Variants in NEGR1 observed in about 807,000 individuals in gnomAD.
The protein encoded by NEGR1 is IgLON family member 4.
NEGR1 carries 10 observed loss-of-function variants against 40.9 expected under a neutral mutation model. That is an observed-to-expected ratio of 0.24 (90% confidence interval 0.15 to 0.42). The LOEUF is 0.42. Ranked by LOEUF, NEGR1 falls within the 10% of genes least tolerant of loss-of-function variation. The probability of loss-of-function intolerance (pLI) is 1.00; values close to 1 mark genes in which losing one functional copy is unlikely to be tolerated. For missense variants in NEGR1, 352 were observed against 438.9 expected, an observed-to-expected ratio of 0.80 and a Z score of 1.77; for synonymous variants, 185 against 166.8, an observed-to-expected ratio of 1.11 and a Z score of -0.84.
At chr1:72,117,139 A>C (rs1333296241) in intron 1 of NEGR1, among the ~76,000 whole-genome samples, 1 of 151,820 alleles carries the variant, frequency 6.6e-6, no homozygotes, top group African/African-American at 2.4e-5. Flanking sequence ...CTAATTGATG[A>C]GTTTTACTAA....
At chr1:72,048,439 A>C (rs1647023241) in intron 1 of NEGR1, among the ~76,000 whole-genome samples, 1 of 121,956 alleles carries the variant, frequency 8.2e-6, no homozygotes, top group Non-Finnish European at 1.7e-5. Context: ...CTTGTTCTTT[A>C]AACAGGTTTG....
At chr1:71,467,436 T>G (rs1187963107) in intron 6 of NEGR1, among the ~76,000 whole-genome samples, 1 of 152,094 alleles carries the variant, frequency 6.6e-6, no homozygotes, top group Non-Finnish European at 1.5e-5. Context: ...AATGCTTTAG[T>G]AACAATATAC....
chr1:71,747,743 G>C (rs1400970112), intron 3 of NEGR1, among the ~76,000 whole-genome samples: 4 of 151,808 alleles, frequency 2.6e-5, no homozygotes, highest in Non-Finnish European at 5.9e-5. Flanking sequence ...TATAATAATA[G>C]AAACAATCGA....
rs1260655855 is a variant in NEGR1 at position 71,587,970 on chromosome 1, T to G, written c.940+4847A>C. Among the ~76,000 whole-genome samples, 2 of 152,312 alleles carry G rather than the reference T, an allele frequency of 1.3e-5. 1 individual carries two copies. Among genetic ancestry groups the G allele is most frequent in the South Asian group, 4.1e-4 (2 of 4,832 alleles). On this transcript the variant is annotated intron_variant, in intron 6 of 6. Transcript: ENST00000357731. The stretch of plus-strand genomic sequence containing the variant: ...TTATGCAGCTTTCTTCCATCTTAAT[T>G]AATTCTATTTCCCTTTAGATGGCAA...
intron 4 of NEGR1, among the ~76,000 whole-genome samples, chr1:71,676,137 TA>T (rs1557609061): frequency 6.6e-6 from 1 of 152,182 alleles, no homozygotes; most frequent in Non-Finnish European, 1.5e-5. Context: ...TTGTAAGGTC[TA>T]AATTTTAATT....
chr1:71,673,945 A>T (rs531520729), intron 4 of NEGR1, among the ~76,000 whole-genome samples: 2 of 152,148 alleles, frequency 1.3e-5, no homozygotes, highest in Non-Finnish European at 2.9e-5. Flanking sequence ...ACATTTTTGT[A>T]CTTTTTTGAA....
At chr1:71,417,306 G>T (rs540521130) in intron 6 of NEGR1, among the ~76,000 whole-genome samples, 1 of 152,184 alleles carries the variant, frequency 6.6e-6, no homozygotes, top group Admixed American at 6.5e-5. Context: ...TTATTACAGA[G>T]AATGGAAGTA....
At chr1:71,671,697 G>A (rs1334569581) in intron 4 of NEGR1, among the ~76,000 whole-genome samples, 1 of 151,932 alleles carries the variant, frequency 6.6e-6, no homozygotes, top group East Asian at 1.9e-4. Context: ...TAAATACCAT[G>A]GCCAGGGTTC....
At chr1:71,524,550 C>G (rs1473422381) in intron 6 of NEGR1, among the ~76,000 whole-genome samples, 2 of 151,402 alleles carry the variant, frequency 1.3e-5, no homozygotes, top group East Asian at 3.9e-4. Context: ...TTCAAGGAGG[C>G]TTGGTAGGTT....
At chr1:71,955,187 A>G (rs377340137) in intron 1 of NEGR1, among the ~76,000 whole-genome samples, 3 of 152,136 alleles carry the variant, frequency 2.0e-5, no homozygotes, top group East Asian at 3.9e-4. Flanking sequence ...AGTATGTTAC[A>G]CGGAGTTGTC....
chr1:72,157,838 C>G (rs527639834), intron 1 of NEGR1, among the ~76,000 whole-genome samples: 1 of 152,254 alleles, frequency 6.6e-6, no homozygotes, highest in Non-Finnish European at 1.5e-5. Context: ...GCCAAGAACA[C>G]AAGTCAACCT....
At chr1:71,882,979 T>G (rs1043692338) in intron 2 of NEGR1, among the ~76,000 whole-genome samples, 2 of 152,290 alleles carry the variant, frequency 1.3e-5, no homozygotes, top group African/African-American at 4.8e-5. Context: ...AATGATCCTT[T>G]GCAACCATTT....
At chr1:71,657,004 A>G (rs902496611) in intron 4 of NEGR1, among the ~76,000 whole-genome samples, 10 of 152,244 alleles carry the variant, frequency 6.6e-5, no homozygotes, top group Non-Finnish European at 1.2e-4. Context: ...CTTCAAAAAT[A>G]ATAGCCAGGA....
At chr1:71,637,761 A>G (rs1651205651) in intron 4 of NEGR1, among the ~76,000 whole-genome samples, 1 of 151,970 alleles carries the variant, frequency 6.6e-6, no homozygotes, top group South Asian at 2.1e-4. Flanking sequence ...AGGGAGACAA[A>G]GAAGCATCAT....
chr1:71,791,121 A>G (rs1657098968), intron 2 of NEGR1, among the ~76,000 whole-genome samples: 1 of 152,112 alleles, frequency 6.6e-6, no homozygotes, highest in Non-Finnish European at 1.5e-5. Context: ...AAAACTGTAT[A>G]AATAGAAAGT....
intron 2 of NEGR1, among the ~76,000 whole-genome samples, chr1:71,795,160 A>G (rs1402356690): frequency 6.6e-6 from 1 of 152,062 alleles, no homozygotes; most frequent in East Asian, 1.9e-4. Flanking sequence ...GAAAACAAAT[A>G]AAACTGAAGA....
At chr1:72,262,005 A>T (rs1487667525) in intron 1 of NEGR1, among the ~76,000 whole-genome samples, 1 of 151,940 alleles carries the variant, frequency 6.6e-6, no homozygotes, top group Non-Finnish European at 1.5e-5. Context: ...GCACCCCCTA[A>T]ATCTATTTGT....
chr1:72,111,366 A>G (rs916931217), intron 1 of NEGR1, among the ~76,000 whole-genome samples: 1 of 151,722 alleles, frequency 6.6e-6, no homozygotes, highest in Non-Finnish European at 1.5e-5. Context: ...TTAGCATCTC[A>G]TTCTGGGTTT....
chr1:71,529,696 C>T (rs371690997), intron 6 of NEGR1, among the ~76,000 whole-genome samples: 3 of 150,972 alleles, frequency 2.0e-5, no homozygotes, highest in East Asian at 3.9e-4. Context: ...ATTTTTAGCT[C>T]GATGGCCATT....
Sources: gnomAD v4.1 joint callset for allele counts (sites outside exome capture counted in the v4.1 genomes callset) on GRCh38, gnomAD v4.1.1 for gene constraint, MANE v1.5 for transcripts, NCBI Gene and HGNC (gene_info 2026-07-23, HGNC 2026-07-21) for gene names.